The following ST6GALNAC3 variants were observed in gnomAD, a reference collection of about 807,000 sequenced individuals.
ST6GALNAC3 encodes the protein ST6 N-acetylgalactosaminide alpha-2,6-sialyltransferase 3.
A neutral mutation model predicts 32.7 loss-of-function variants in ST6GALNAC3; 25 were observed. The observed-to-expected ratio is 0.76, with a 90% CI of 0.56 to 1.07. ST6GALNAC3 has a LOEUF of 1.07. ST6GALNAC3 is among the 50% of genes least tolerant of loss of function. The pLI is 0.00. For missense variants in ST6GALNAC3, 355 were observed against 382.4 expected, an observed-to-expected ratio of 0.93 and a Z score of 0.60; for synonymous variants, 129 against 133.1, an observed-to-expected ratio of 0.97 and a Z score of 0.21.
chr1:76,234,114 C>T (rs1414229889), intron 1 of ST6GALNAC3, among the ~76,000 whole-genome samples: 3 of 152,258 alleles, frequency 2.0e-5, no homozygotes, highest in African/African-American at 7.2e-5. Flanking sequence ...CAGGTTTGTG[C>T]GATAATGAAG....
intron 2 of ST6GALNAC3, among the ~76,000 whole-genome samples, chr1:76,343,531 C>T (rs1648240503): frequency 6.6e-6 from 1 of 152,126 alleles, no homozygotes; most frequent in Non-Finnish European, 1.5e-5. Flanking sequence ...TAGTCTAGGG[C>T]AGAAATAAAC....
Position 76,119,998 on chromosome 1 carries a change from C to A in ST6GALNAC3, c.18+45114C>A, listed in dbSNP as rs577606671. Reference sequence around the variant, plus strand: ...TGTATTCCACTCTACCCGGAGTGCCCAGCACTGGGCCTGGCCTCTGCCAGT... The same window carrying A: ...TGTATTCCACTCTACCCGGAGTGCCAAGCACTGGGCCTGGCCTCTGCCAGT... On this transcript the variant is annotated intron_variant, in intron 1 of 4. Coordinates refer to ENST00000328299, the MANE Select transcript of ST6GALNAC3 (RefSeq NM_152996.4). Among the ~76,000 whole-genome samples the A allele has an allele frequency of 2.6e-5, 4 of 152,352 alleles. No individual in the cohort carries two copies. In the South Asian group the frequency reaches 8.3e-4, roughly 32 times the overall value.
At chr1:76,508,220 C>T (rs747371070) in intron 3 of ST6GALNAC3, among the ~76,000 whole-genome samples, 3 of 151,526 alleles carry the variant, frequency 2.0e-5, no homozygotes, top group Non-Finnish European at 4.4e-5. Flanking sequence ...AACCTAGATC[C>T]GTCGCACGCA....
chr1:76,109,317 G>T (rs888972381), intron 1 of ST6GALNAC3, among the ~76,000 whole-genome samples: 9 of 152,170 alleles, frequency 5.9e-5, no homozygotes, highest in African/African-American at 1.9e-4. Flanking sequence ...AACTAAAGTT[G>T]CATTGTGTTT....
rs1054693776 is a variant in ST6GALNAC3 at position 76,494,651 on chromosome 1, A to G, written c.623+82234A>G. 5.1e-4 allele frequency among the ~76,000 whole-genome samples: 64 copies of G among 124,964 alleles called. 1 individual carries two copies. Among genetic ancestry groups the G allele is most frequent in the South Asian group, 3.9e-3 (15 of 3,830 alleles). The allele number at this position is 124,964 out of a possible 152,430, so 82.0% of individuals were successfully genotyped here. Reference sequence around the variant, plus strand: ...AAAAATATATTTCATGTGTATGCGCACACACACACACACACACACACACAC... The same window carrying G: ...AAAAATATATTTCATGTGTATGCGCGCACACACACACACACACACACACAC... On this transcript the variant is annotated intron_variant, in intron 3 of 4. Transcript: ENST00000328299.
chr1:76,148,870 G>A (rs1179897803), intron 1 of ST6GALNAC3, among the ~76,000 whole-genome samples: 1 of 152,184 alleles, frequency 6.6e-6, no homozygotes, highest in Admixed American at 6.5e-5. Context: ...AATGAAAATT[G>A]TATTTATTTG....
chr1:76,349,566 A>G (rs1233297589), intron 2 of ST6GALNAC3, among the ~76,000 whole-genome samples: 1 of 152,164 alleles, frequency 6.6e-6, no homozygotes, highest in Non-Finnish European at 1.5e-5. Flanking sequence ...GTGGTATGGC[A>G]AGAGGAAAAT....
chr1:76,543,120 G>C (rs11800951), intron 3 of ST6GALNAC3, among the ~76,000 whole-genome samples: 1 of 152,164 alleles, frequency 6.6e-6, no homozygotes, highest in Non-Finnish European at 1.5e-5. Context: ...TTACAACACA[G>C]ATAGCAAATA....
chr1:76,104,083 A>G (rs549514222), intron 1 of ST6GALNAC3, among the ~76,000 whole-genome samples: 1 of 152,240 alleles, frequency 6.6e-6, no homozygotes, highest in Admixed American at 6.5e-5. Flanking sequence ...CTTTTTACAA[A>G]AAGTCTGTTT....
At chr1:76,154,102 A>G (rs1651232520) in intron 1 of ST6GALNAC3, among the ~76,000 whole-genome samples, 1 of 152,142 alleles carries the variant, frequency 6.6e-6, no homozygotes, top group East Asian at 1.9e-4. Flanking sequence ...GTCGGCTTAA[A>G]AATAGTCCAG....
chr1:76,629,993 A>G lies in ST6GALNAC3; in HGVS notation c.*1187A>G, dbSNP rs1363358618. The G allele has an allele frequency of 4.1e-6, 4 of 984,958 alleles. No homozygotes were observed. The highest frequency in any genetic ancestry group is 4.8e-6 in the Non-Finnish European group (4 of 829,754). The allele number at this position is 984,958 out of a possible 1,614,324, so 61.0% of individuals were successfully genotyped here. On this transcript the variant is annotated 3_prime_UTR_variant, in exon 5 of 5. Transcript: ENST00000328299. ...TTATGCCACAATAACAACAATAATAATGTTCTTAATGTCCAAAGTGCTTTG... is the reference window on the plus strand; with the variant it reads ...TTATGCCACAATAACAACAATAATAGTGTTCTTAATGTCCAAAGTGCTTTG...
chr1:76,197,554 A>G (rs1654275719), intron 1 of ST6GALNAC3, among the ~76,000 whole-genome samples: 1 of 152,214 alleles, frequency 6.6e-6, no homozygotes, highest in Non-Finnish European at 1.5e-5. Context: ...TGAATTCGTT[A>G]GGTAAAGAAA....
intron 3 of ST6GALNAC3, among the ~76,000 whole-genome samples, chr1:76,429,366 G>C (rs1478797233): frequency 1.3e-5 from 2 of 152,056 alleles, no homozygotes; most frequent in Non-Finnish European, 2.9e-5. Context: ...AATTAAACTA[G>C]AAATTTATAA....
At chr1:76,232,778 TCTTGA>T (rs1656440837) in intron 1 of ST6GALNAC3, among the ~76,000 whole-genome samples, 1 of 152,192 alleles carries the variant, frequency 6.6e-6, no homozygotes, top group Non-Finnish European at 1.5e-5. Context: ...AATAATGAAC[TCTTGA>T]CTTGAGCGTT....
intron 1 of ST6GALNAC3, among the ~76,000 whole-genome samples, chr1:76,288,909 A>G (rs1480196518): frequency 6.6e-6 from 1 of 152,180 alleles, no homozygotes; most frequent in East Asian, 1.9e-4. Flanking sequence ...TGGTTTGCTC[A>G]TTTCATATAT....
chr1:76,224,668 G>C (rs1655969004), intron 1 of ST6GALNAC3, among the ~76,000 whole-genome samples: 1 of 152,148 alleles, frequency 6.6e-6, no homozygotes, highest in East Asian at 1.9e-4. Context: ...GATTGATTTT[G>C]GTAGTTATAA....
At chr1:76,435,021 C>T (rs1027733640) in intron 3 of ST6GALNAC3, among the ~76,000 whole-genome samples, 37 of 152,010 alleles carry the variant, frequency 2.4e-4, no homozygotes, top group Middle Eastern at 3.4e-3. Context: ...AAACTCTTGA[C>T]CTCAGGTGAT....
intron 1 of ST6GALNAC3, among the ~76,000 whole-genome samples, chr1:76,239,513 AG>A (rs1387179078): frequency 6.6e-6 from 1 of 152,078 alleles, no homozygotes; most frequent in African/African-American, 2.4e-5. Context: ...CAGAAGGCAA[AG>A]GGGGAGCAGG....
chr1:76,404,148 C>T (rs532198207), intron 2 of ST6GALNAC3, among the ~76,000 whole-genome samples: 1 of 152,136 alleles, frequency 6.6e-6, no homozygotes, highest in African/African-American at 2.4e-5. Context: ...TTTAATGTCA[C>T]CAGGTAGGAA....
Sources: gnomAD v4.1 joint callset for allele counts (sites outside exome capture counted in the v4.1 genomes callset) on GRCh38, gnomAD v4.1.1 for gene constraint, MANE v1.5 for transcripts, NCBI Gene and HGNC (gene_info 2026-07-23, HGNC 2026-07-21) for gene names.